RYR2: variants seen among roughly 807,000 people sequenced by gnomAD.
RYR2 encodes the protein ryanodine receptor 2, also known as cardiac muscle ryanodine receptor-calcium release channel.
A neutral mutation model predicts 601.1 loss-of-function variants in RYR2; 227 were observed. The ratio of observed to expected loss-of-function variants is 0.38; its 90% CI spans 0.34 to 0.42. The LOEUF (loss-of-function observed/expected upper bound fraction) is 0.42, where lower values mean the gene tolerates loss of function less well. Ranked by LOEUF, RYR2 falls within the 10% of genes least tolerant of loss-of-function variation. RYR2 has a pLI of 1.00. For missense variants in RYR2, 4,646 were observed against 6,156.5 expected (o/e 0.75, Z 8.21); for synonymous variants, 2,223 against 2,175.1 (o/e 1.02, Z -0.61).
intron 1 of RYR2, among the ~76,000 whole-genome samples, chr1:237,232,112 A>G (rs948334167): frequency 6.6e-6 from 1 of 152,214 alleles, no homozygotes; most frequent in Middle Eastern, 3.2e-3. Flanking sequence ...TTTCTGGTAC[A>G]TAACTCCTAA....
At chr1:237,686,016 C>T (rs1222623680) in intron 62 of RYR2, among the ~76,000 whole-genome samples, 3 of 152,188 alleles carry the variant, frequency 2.0e-5, no homozygotes, top group East Asian at 1.9e-4. Context: ...AGAGGTCAAC[C>T]TCACAAACGT....
intron 4 of RYR2, 36 bp downstream of exon 4, chr1:237,356,021 T>C: frequency 6.3e-7 from 1 of 1,588,588 alleles, no homozygotes; most frequent in South Asian, 1.1e-5. Flanking sequence ...GAAATTGTGA[T>C]CTAAAAGTGC....
chr1:237,638,206 G>A, intron 44 of RYR2, 151 bp from the exon 45 acceptor site: 1 of 836,682 alleles, frequency 1.2e-6, no homozygotes, highest in Non-Finnish European at 1.9e-6. Flanking sequence ...ACTAAAGGGA[G>A]TTCAAGTAGA....
chr1:237,792,168 A>T lies in RYR2; in HGVS notation c.13627A>T (p.Lys4543Ter), dbSNP rs745869007. The change falls in exon 94 of 105, where the codon AAA becomes TAA. Residue 4543 changes from lysine to a stop codon, truncating the protein, a stop_gained. Transcript: ENST00000366574. LOFTEE classifies it high-confidence loss of function. ...CACGAGAAGTTCAAGTGAAAATGCC[A>T]AAGTGACAAGCCTGGACAGCAGCTC... The part of the protein sequence containing the change: ...LPTRSSSENA[K>*]VTSLDSSSHR... The T allele has an allele frequency of 6.2e-7, 1 of 1,612,606 alleles. No homozygotes were observed. Among genetic ancestry groups the T allele is most frequent in the South Asian group, 1.1e-5 (1 of 90,710 alleles).
intron 1 of RYR2, among the ~76,000 whole-genome samples, chr1:237,155,250 A>G (rs985954117): frequency 3.5e-5 from 5 of 142,844 alleles, no homozygotes; most frequent in Non-Finnish European, 7.5e-5. Context: ...GTCTCAGCGC[A>G]CTGCAATCTC....
At chr1:237,421,698 G>T (rs1042709409) in intron 11 of RYR2, among the ~76,000 whole-genome samples, 3 of 152,218 alleles carry the variant, frequency 2.0e-5, no homozygotes, top group East Asian at 1.9e-4. Context: ...TAAATAATAA[G>T]ATTATATTGA....
chr1:237,328,254 T>C (rs1035249032), intron 2 of RYR2, among the ~76,000 whole-genome samples: 1 of 152,156 alleles, frequency 6.6e-6, no homozygotes, highest in African/African-American at 2.4e-5. Flanking sequence ...ATAAATGAAA[T>C]AAACACTTAC....
chr1:237,350,521 A>G (rs139502864), intron 3 of RYR2, among the ~76,000 whole-genome samples: 4,537 of 134,252 alleles, frequency 0.034, 106 homozygotes, highest in Non-Finnish European at 0.053. Flanking sequence ...CAGTGAGCTG[A>G]GATCGCACCA....
At chr1:237,594,039 TA>T (rs1243097562) in intron 33 of RYR2, among the ~76,000 whole-genome samples, 1 of 152,192 alleles carries the variant, frequency 6.6e-6, no homozygotes, top group Non-Finnish European at 1.5e-5. Context: ...TGTGGGCTGG[TA>T]GTTTAGACCA....
intron 11 of RYR2, among the ~76,000 whole-genome samples, chr1:237,419,310 A>AC (rs1310595839): frequency 6.6e-6 from 1 of 152,034 alleles, no homozygotes; most frequent in Non-Finnish European, 1.5e-5. Flanking sequence ...TTAAAAAAAA[A>AC]ACATGAAAGC....
chr1:237,349,179 T>C (rs1396840489), intron 3 of RYR2, among the ~76,000 whole-genome samples: 1 of 151,968 alleles, frequency 6.6e-6, no homozygotes, highest in African/African-American at 2.4e-5. Flanking sequence ...TGCTGAAAAC[T>C]AGAAAAATAA....
rs78023635 is a variant in RYR2, at chr1:237,366,347, C to A, written c.309+1975C>A. Reference sequence around the variant, plus strand: ...CAGGCACCTTTATCTTCAACTGAGGCCAGGATTCTCATGGATTGTTACAGT... The same window carrying A: ...CAGGCACCTTTATCTTCAACTGAGGACAGGATTCTCATGGATTGTTACAGT... On this transcript the variant is annotated intron_variant, in intron 5 of 104. Coordinates refer to ENST00000366574, the MANE Select transcript of RYR2 (RefSeq NM_001035.3). 3.3e-5 allele frequency among the ~76,000 whole-genome samples: 5 copies of A among 152,262 alleles called. No homozygotes were observed. In the East Asian group the frequency reaches 9.7e-4, roughly 29 times the overall value.
chr1:237,169,577 A>G (rs1677126911), intron 1 of RYR2, among the ~76,000 whole-genome samples: 1 of 152,102 alleles, frequency 6.6e-6, no homozygotes, highest in South Asian at 2.1e-4. Context: ...GATGTGAGCC[A>G]CCGTGCCCTG....
In RYR2 at chr1:237,781,568, TC is replaced by T; in HGVS notation, c.11886del (p.Ser3963ValfsTer6). 6.6e-7 allele frequency: 1 copy of T among 1,521,234 alleles called. No homozygotes were observed. The highest frequency in any genetic ancestry group is 9.1e-7 in the Non-Finnish European group (1 of 1,104,604). The allele number at this position is 1,521,234 out of a possible 1,614,324, so 94.2% of individuals were successfully genotyped here. On this transcript the variant is annotated frameshift_variant, in exon 89 of 105. Coordinates refer to ENST00000366574, the MANE Select transcript of RYR2 (RefSeq NM_001035.3). LOFTEE classifies it high-confidence loss of function. The part of the protein sequence containing the change: ...AHMQMKLSQD[S>X]SQIELLKELM... Reference sequence around the variant, plus strand: ...AATGCAATGTTCATATTTTCAGGATTCCAGTCAAATTGAGCTATTAAAAGAA... The same window carrying T: ...AATGCAATGTTCATATTTTCAGGATTCAGTCAAATTGAGCTATTAAAAGAA...
At chr1:237,739,726 A>G (rs780720328) in intron 79 of RYR2, among the ~76,000 whole-genome samples, 4 of 152,170 alleles carry the variant, frequency 2.6e-5, no homozygotes, top group Admixed American at 1.3e-4. Context: ...TCTGTTAGTC[A>G]GATTTAAATC....
intron 39 of RYR2, 41 bp from the exon 40 acceptor site, chr1:237,625,620 C>A: frequency 6.3e-7 from 1 of 1,596,954 alleles, no homozygotes; most frequent in Non-Finnish European, 8.5e-7. Flanking sequence ...CAAGTGTATT[C>A]TTTAAATATT....
rs145689532 is a variant in RYR2 at position 237,534,195 on chromosome 1, T to TAAAAC, written c.2906+3689_2906+3690insCAAAA. Among the ~76,000 whole-genome samples the TAAAAC allele has an allele frequency of 9.3e-3, 1,421 of 152,096 alleles. 25 individuals are homozygous for TAAAAC. The highest frequency in any genetic ancestry group is 0.032 in the African/African-American group (1,341 of 41,528). ...TACTCTCCTTTTATCAGTTTCTAAA[T>TAAAAC]AAAATTGACCTTAAACAAAATTAAT... On this transcript the variant is annotated intron_variant, in intron 25 of 104. Transcript: ENST00000366574.
intron 37 of RYR2, among the ~76,000 whole-genome samples, chr1:237,615,046 C>T (rs1218005043): frequency 6.6e-6 from 1 of 152,016 alleles, no homozygotes; most frequent in Non-Finnish European, 1.5e-5. Context: ...TGCTTTTTAC[C>T]TTCATTACAT....
intron 96 of RYR2, 102 bp downstream of exon 96, chr1:237,795,433 T>A (rs1658981907): frequency 3.4e-6 from 2 of 587,734 alleles, no homozygotes; most frequent in East Asian, 6.9e-5. Context: ...ATAATTTATC[T>A]GCCTATTAAT....
Sources: allele counts gnomAD v4.1 joint callset (sites outside exome capture counted in the v4.1 genomes callset), GRCh38; gene constraint gnomAD v4.1.1; transcripts MANE v1.5; gene names NCBI Gene and HGNC (gene_info 2026-07-23, HGNC 2026-07-21).